Variants in NSD1 observed in about 807,000 individuals in gnomAD.
NSD1 encodes histone-lysine N-methyltransferase, H3 lysine-36 specific.
NSD1 carries 26 observed loss-of-function variants against 242.7 expected under a neutral mutation model. That is an observed-to-expected ratio of 0.11 (90% CI 0.08 to 0.15). The LOEUF is 0.15. NSD1 is among the 10% of genes least tolerant of loss of function. The probability of loss-of-function intolerance (pLI) is 1.00; values close to 1 mark genes in which losing one functional copy is unlikely to be tolerated. For synonymous variants in NSD1, 1,106 were observed against 1,178.1 expected (o/e 0.94, Z 1.25); for missense variants, 2,495 against 3,272.8 (o/e 0.76, Z 5.80).
chr5:177,225,303 C>T (rs1764548845), intron 5 of NSD1, among the ~76,000 whole-genome samples: 1 of 151,984 alleles, frequency 6.6e-6, no homozygotes, highest in Non-Finnish European at 1.5e-5. Context: ...CCACCACACC[C>T]AGCTAATTTT....
At chr5:177,285,904 CTTGT>C (rs1759287836) in intron 20 of NSD1, among the ~76,000 whole-genome samples, 1 of 152,020 alleles carries the variant, frequency 6.6e-6, no homozygotes, top group East Asian at 1.9e-4. Flanking sequence ...TGTTTGCTTG[CTTGT>C]TTGTTGAAAC....
At chr5:177,184,280 T>A (rs759438549) in intron 2 of NSD1, among the ~76,000 whole-genome samples, 1 of 152,110 alleles carries the variant, frequency 6.6e-6, no homozygotes. Flanking sequence ...TCCACATCCT[T>A]TTATTCTTTT....
At chr5:177,279,781 T>A (rs1244926231) in intron 17 of NSD1, among the ~76,000 whole-genome samples, 1 of 150,824 alleles carries the variant, frequency 6.6e-6, no homozygotes, top group Non-Finnish European at 1.5e-5. Context: ...CACGCCTGGC[T>A]AATTTTTTTG....
intron 17 of NSD1, among the ~76,000 whole-genome samples, chr5:177,277,129 T>A (rs891263060): frequency 6.7e-5 from 8 of 119,550 alleles, no homozygotes; most frequent in African/African-American, 1.8e-4. Flanking sequence ...CTTTACTCCA[T>A]TTTTTTTTTT....
At chr5:177,152,843 G>A (rs1221875490) in intron 2 of NSD1, among the ~76,000 whole-genome samples, 1 of 149,772 alleles carries the variant, frequency 6.7e-6, no homozygotes, top group Non-Finnish European at 1.5e-5. Flanking sequence ...TGCCCTCAAC[G>A]CCTGGGTAAT....
At chr5:177,136,849 G>T in intron 2 of NSD1, 1 of 663,564 alleles carries the variant, frequency 1.5e-6, no homozygotes. Flanking sequence ...CTAAGACAAA[G>T]TTTTATATTT....
chr5:177,228,308 A>T (rs565254257), intron 5 of NSD1, among the ~76,000 whole-genome samples: 2 of 145,306 alleles, frequency 1.4e-5, no homozygotes, highest in South Asian at 2.2e-4. Flanking sequence ...GTCACCCAGG[A>T]TGGAGGGCAG....
chr5:177,196,325 A>G (rs968054846), intron 3 of NSD1, among the ~76,000 whole-genome samples: 1 of 152,242 alleles, frequency 6.6e-6, no homozygotes, highest in African/African-American at 2.4e-5. Flanking sequence ...TCATTTTAAA[A>G]GTTCACTGTG....
intron 2 of NSD1, among the ~76,000 whole-genome samples, chr5:177,176,048 G>A (rs1371668071): frequency 6.6e-6 from 1 of 151,958 alleles, no homozygotes; most frequent in African/African-American, 2.4e-5. Flanking sequence ...GCTAATTTTT[G>A]TAGTTTTAGT....
rs1380546403 is a variant in NSD1 at position 177,282,448 on chromosome 5, G to A, written c.5893-17G>A. The A allele has an allele frequency of 1.3e-6, 2 of 1,540,550 alleles. No individual in the cohort carries two copies. Among genetic ancestry groups the A allele is most frequent in the Non-Finnish European group, 1.8e-6 (2 of 1,114,150 alleles). ...GTCCTTTTTTGCCATTAAGTCAGGA[G>A]GTATTTCTTGTTCTAGGGTGAATTT... On this transcript the variant is annotated splice_polypyrimidine_tract_variant and intron_variant, in intron 18 of 22. Transcript: ENST00000439151.
intron 14 of NSD1, chr5:177,265,205 G>A: frequency 1.3e-6 from 1 of 780,840 alleles, no homozygotes; most frequent in Non-Finnish European, 2.3e-6. Flanking sequence ...AGGAGTCTGA[G>A]CTGCTGGAAC....
intron 14 of NSD1, chr5:177,266,315 G>T (rs1473747028): frequency 1.4e-6 from 1 of 724,068 alleles, no homozygotes; most frequent in South Asian, 1.4e-5. Flanking sequence ...AATCTTCACC[G>T]CATAATCAGA....
In NSD1 at chr5:177,269,553, T is replaced by A. The variant is rs202007313; in HGVS notation, c.5304-49T>A. On this transcript the variant is annotated intron_variant, in intron 15 of 22. Coordinates refer to ENST00000439151, the MANE Select transcript of NSD1 (RefSeq NM_022455.5). The surrounding 1 kb of genome is among the most constrained non-coding windows in gnomAD (Gnocchi z 5.1). Reference sequence around the variant, plus strand: ...TTATATGAGTAGGTTATTTTCCTAATGCCTTGCAGCCTTCTAGAGGTTTTC... The same window carrying A: ...TTATATGAGTAGGTTATTTTCCTAAAGCCTTGCAGCCTTCTAGAGGTTTTC... The A allele has an allele frequency of 6.5e-7, 1 of 1,538,922 alleles. No homozygotes were observed. The highest frequency in any genetic ancestry group is 1.4e-5 in the African/African-American group (1 of 73,520).
intron 12 of NSD1, among the ~76,000 whole-genome samples, chr5:177,256,221 C>CT (rs1232409503): frequency 6.8e-6 from 1 of 147,422 alleles, no homozygotes; most frequent in Admixed American, 6.8e-5. Context: ...GTAGTGTAAA[C>CT]TTTTTTATAC....
At chr5:177,181,518 C>T (rs961550396) in intron 2 of NSD1, among the ~76,000 whole-genome samples, 10 of 147,904 alleles carry the variant, frequency 6.8e-5, no homozygotes, top group Admixed American at 3.4e-4. Context: ...CTCCAACTCG[C>T]GGGTTCAAGT....
At chr5:177,226,484 G>A (rs1045578379) in intron 5 of NSD1, among the ~76,000 whole-genome samples, 1 of 152,110 alleles carries the variant, frequency 6.6e-6, no homozygotes. Context: ...TGCTATCGAG[G>A]TTTATTTATT....
chr5:177,274,770 G>A (rs1758228002), intron 17 of NSD1, among the ~76,000 whole-genome samples: 1 of 150,584 alleles, frequency 6.6e-6, no homozygotes, highest in Non-Finnish European at 1.5e-5. Flanking sequence ...GTCTCCCCCT[G>A]TCTCCTAGGC....
rs1181892457 is a variant in NSD1 at position 177,291,684 on chromosome 5, C to T, written c.6259-270C>T. ...TAAATAAATTAATTAACTAATAAAA[C>T]TTATGAAAGGCATGTCATTTAACAC... On this transcript the variant is annotated intron_variant, in intron 21 of 22. Coordinates refer to ENST00000439151, the MANE Select transcript of NSD1 (RefSeq NM_022455.5). Among the ~76,000 whole-genome samples, 11 of 152,226 alleles carry T rather than the reference C, an allele frequency of 7.2e-5. No individual in the cohort carries two copies. In the South Asian group the frequency reaches 1.2e-3, roughly 17 times the overall value.
At chr5:177,257,792 G>T (rs1416945393) in intron 13 of NSD1, among the ~76,000 whole-genome samples, 1 of 151,376 alleles carries the variant, frequency 6.6e-6, no homozygotes, top group Non-Finnish European at 1.5e-5. Context: ...TAGAAAACCA[G>T]AGTGTAGTCT....
Sources: gnomAD v4.1 joint callset for allele counts (sites outside exome capture counted in the v4.1 genomes callset) on GRCh38, gnomAD v4.1.1 for gene constraint, Gnocchi (gnomAD v3.1) non-coding constraint, MANE v1.5 for transcripts, NCBI Gene and HGNC (gene_info 2026-07-23, HGNC 2026-07-21) for gene names.